The following UTS2B variants were observed in gnomAD, a reference collection of about 807,000 sequenced individuals.
The protein encoded by UTS2B is urotensin 2B, also known as urotensin-2B.
UTS2B carries 21 observed loss-of-function variants against 19.2 expected under a neutral mutation model. The ratio of observed to expected loss-of-function variants is 1.09; its 90% CI spans 0.78 to 1.58. UTS2B has a LOEUF of 1.58. Ranked by LOEUF, UTS2B falls within the 40% of genes most tolerant of loss-of-function variation. UTS2B has a pLI of 0.00. For missense variants in UTS2B, 138 were observed against 130.3 expected (o/e 1.06, Z -0.29); for synonymous variants, 57 against 50.2 (o/e 1.14, Z -0.58).
chr3:191,288,744 T>C (rs757336220), intron 4 of UTS2B, among the ~76,000 whole-genome samples: 6 of 152,106 alleles, frequency 3.9e-5, no homozygotes, highest in Non-Finnish European at 8.8e-5. Context: ...TGAAGCTGTA[T>C]ATCACTATTT....
chr3:191,283,059 T>A (rs1362341489), intron 4 of UTS2B, among the ~76,000 whole-genome samples: 3 of 152,212 alleles, frequency 2.0e-5, no homozygotes, highest in Non-Finnish European at 4.4e-5. Context: ...TTTGGATGTA[T>A]CCACTCTAAA....
chr3:191,304,281 C>G (rs923092264), intron 4 of UTS2B, among the ~76,000 whole-genome samples: 2 of 152,124 alleles, frequency 1.3e-5, no homozygotes, highest in African/African-American at 2.4e-5. Flanking sequence ...TTAAAGGAAA[C>G]CTGAAGCAAA....
At chr3:191,302,271 A>G (rs1380559158) in intron 4 of UTS2B, among the ~76,000 whole-genome samples, 1 of 152,140 alleles carries the variant, frequency 6.6e-6, no homozygotes, top group East Asian at 1.9e-4. Flanking sequence ...TCTGAAAGTT[A>G]CCCTGTGTAG....
intron 3 of UTS2B, among the ~76,000 whole-genome samples, chr3:191,305,000 T>C (rs936891157): frequency 6.6e-6 from 1 of 152,212 alleles, no homozygotes; most frequent in Non-Finnish European, 1.5e-5. Flanking sequence ...GCGAAGGACA[T>C]GATCTTGTTC....
At chr3:191,322,524 T>C (rs940235193) in intron 2 of UTS2B, among the ~76,000 whole-genome samples, 1 of 152,190 alleles carries the variant, frequency 6.6e-6, no homozygotes, top group Non-Finnish European at 1.5e-5. Context: ...ATGATTAGTA[T>C]AGATTCAAGA....
At chr3:191,312,166 A>C (rs1304793743) in intron 3 of UTS2B, among the ~76,000 whole-genome samples, 1 of 151,808 alleles carries the variant, frequency 6.6e-6, no homozygotes, top group African/African-American at 2.4e-5. Context: ...AAAAAAAAAA[A>C]AAGGCATCTC....
intron 3 of UTS2B, among the ~76,000 whole-genome samples, chr3:191,306,569 C>A: frequency 6.6e-6 from 1 of 152,188 alleles, no homozygotes; most frequent in East Asian, 1.9e-4. Context: ...CCTTGGAGTT[C>A]TTAAGCTGCT....
chr3:191,327,050 T>C (rs1717761755), intron 2 of UTS2B, among the ~76,000 whole-genome samples: 3 of 152,276 alleles, frequency 2.0e-5, no homozygotes, highest in Non-Finnish European at 4.4e-5. Context: ...CATATCTTAC[T>C]GTAAGCACAT....
At chr3:191,284,425 G>A (rs1576917757) in intron 4 of UTS2B, among the ~76,000 whole-genome samples, 1 of 151,668 alleles carries the variant, frequency 6.6e-6, no homozygotes, top group South Asian at 2.1e-4. Flanking sequence ...AGGTTCAATC[G>A]ATTCCCCTGC....
At chr3:191,336,547 A>T in the UTS2B span, among the ~76,000 whole-genome samples, 1 of 152,104 alleles carries the variant, frequency 6.6e-6, no homozygotes, top group Non-Finnish European at 1.5e-5. Context: ...GGAGTTCTTT[A>T]CATATTCTGG....
intron 5 of UTS2B, 110 bp downstream of exon 5, chr3:191,281,977 T>C: frequency 1.3e-6 from 1 of 792,762 alleles, no homozygotes; most frequent in Non-Finnish European, 2.1e-6. Flanking sequence ...TTAAATAATA[T>C]TTATTCCTTA....
chr3:191,276,974 T>C, intron 6 of UTS2B, 130 bp from the exon 7 acceptor site: 2 of 696,168 alleles, frequency 2.9e-6, no homozygotes, highest in East Asian at 2.9e-5. Flanking sequence ...CACCCATCCA[T>C]TCCTAATATA....
chr3:191,312,752 T>C (rs1717337926), intron 3 of UTS2B, among the ~76,000 whole-genome samples: 1 of 152,178 alleles, frequency 6.6e-6, no homozygotes, highest in South Asian at 2.1e-4. Context: ...CCCCAAAACG[T>C]CATCTTGAGG....
At chr3:191,283,111 A>G (rs925944326) in intron 4 of UTS2B, among the ~76,000 whole-genome samples, 2 of 152,208 alleles carry the variant, frequency 1.3e-5, no homozygotes, top group African/African-American at 4.8e-5. Context: ...ACATGATGGT[A>G]TTAACTAAGG....
At chr3:191,308,045 A>C (rs952120750) in intron 3 of UTS2B, among the ~76,000 whole-genome samples, 25 of 152,090 alleles carry the variant, frequency 1.6e-4, no homozygotes, top group African/African-American at 5.8e-4. Context: ...TAAGGTGGCC[A>C]GGCTGGTCTC....
At chr3:191,297,347 A>C (rs1560139933) in intron 4 of UTS2B, among the ~76,000 whole-genome samples, 1 of 152,058 alleles carries the variant, frequency 6.6e-6, no homozygotes. Flanking sequence ...CTCACTGTTC[A>C]GTAGAGAGAG....
At chr3:191,298,603 G>A (rs1716917225) in intron 4 of UTS2B, among the ~76,000 whole-genome samples, 1 of 152,164 alleles carries the variant, frequency 6.6e-6, no homozygotes, top group Non-Finnish European at 1.5e-5. Flanking sequence ...AAATTACCCT[G>A]TCTCAGATGT....
the UTS2B span, among the ~76,000 whole-genome samples, chr3:191,338,929 A>G: frequency 6.6e-6 from 1 of 152,144 alleles, no homozygotes; most frequent in Non-Finnish European, 1.5e-5. Context: ...TGTTGCTGTT[A>G]CTAGAGTATT....
At chr3:191,335,118 T>C (rs1718098707), upstream of UTS2B, among the ~76,000 whole-genome samples, 1 of 152,184 alleles carries the variant, frequency 6.6e-6, no homozygotes, top group African/African-American at 2.4e-5. Context: ...GACTTAACAG[T>C]TTTTGTTGAG....
Sources: allele counts gnomAD v4.1 joint callset (sites outside exome capture counted in the v4.1 genomes callset), GRCh38; gene constraint gnomAD v4.1.1; transcripts MANE v1.5; gene names NCBI Gene and HGNC (gene_info 2026-07-23, HGNC 2026-07-21).